The following EPS15L1 variants were observed in gnomAD, a reference collection of about 807,000 sequenced individuals.
The protein encoded by EPS15L1 is epidermal growth factor receptor substrate 15-like 1.
EPS15L1 carries 43 observed loss-of-function variants against 117.1 expected under a neutral mutation model. That is an observed-to-expected ratio of 0.37 (90% CI 0.29 to 0.47). The LOEUF (loss-of-function observed/expected upper bound fraction) is 0.47, where lower values mean the gene tolerates loss of function less well. Among genes scored for constraint, EPS15L1 ranks in the 20% least tolerant of loss-of-function variants. The probability of loss-of-function intolerance (pLI) is 0.99; values close to 1 mark genes in which losing one functional copy is unlikely to be tolerated. For missense variants in EPS15L1, 981 were observed against 1,164.0 expected, an observed-to-expected ratio of 0.84 and a Z score of 2.29; for synonymous variants, 459 against 470.5, an observed-to-expected ratio of 0.98 and a Z score of 0.32.
At chr19:16,467,350 A>G (rs559379189) in intron 1 of EPS15L1, among the ~76,000 whole-genome samples, 3 of 152,004 alleles carry the variant, frequency 2.0e-5, no homozygotes, top group African/African-American at 7.2e-5. Flanking sequence ...AGGTTTCACC[A>G]TGTTGGCCAG....
At chr19:16,464,419 G>C (rs2093280784) in intron 1 of EPS15L1, among the ~76,000 whole-genome samples, 1 of 152,152 alleles carries the variant, frequency 6.6e-6, no homozygotes, top group Non-Finnish European at 1.5e-5. Context: ...ACCAGCCACT[G>C]GCCACTCTCT....
chr19:16,387,012 A>C (rs1188276477), intron 19 of EPS15L1, among the ~76,000 whole-genome samples: 6 of 152,374 alleles, frequency 3.9e-5, no homozygotes, highest in Admixed American at 1.3e-4. Context: ...GGAAAAGACA[A>C]TCAGTGTAGC....
intron 7 of EPS15L1, among the ~76,000 whole-genome samples, chr19:16,430,428 T>C (rs898341695): frequency 1.3e-5 from 2 of 152,178 alleles, no homozygotes; most frequent in Admixed American, 1.3e-4. Flanking sequence ...CCAAGGTGAC[T>C]TCCCAACCAC....
At chr19:16,377,868 T>G (rs955764019) in intron 21 of EPS15L1, among the ~76,000 whole-genome samples, 2 of 152,180 alleles carry the variant, frequency 1.3e-5, no homozygotes, top group Admixed American at 1.3e-4. Context: ...CCACCTCCAC[T>G]GGGCTCTGAC....
upstream of EPS15L1, chr19:16,471,989 G>C: frequency 8.0e-7 from 1 of 1,251,260 alleles, no homozygotes. This position sits in a 1 kb window ranked among gnomAD's most constrained non-coding sequence, Gnocchi z 4.8. Flanking sequence ...AACGGGGGCG[G>C]GGCTGCAGCC....
chr19:16,358,729 T>C (rs1212215830), intron 23 of EPS15L1, among the ~76,000 whole-genome samples: 1 of 152,236 alleles, frequency 6.6e-6, no homozygotes, highest in Non-Finnish European at 1.5e-5. Flanking sequence ...AGGTGTCTGA[T>C]GGCACTTCCA....
intron 5 of EPS15L1, 189 bp from the exon 6 acceptor site, chr19:16,437,188 G>C (rs1189654174): frequency 5.2e-6 from 3 of 581,532 alleles, no homozygotes; most frequent in Non-Finnish European, 9.2e-6. Context: ...ATTAAAAACG[G>C]ATGTCCAAAC....
At chr19:16,372,159 A>AT (rs1445248834) in intron 22 of EPS15L1, among the ~76,000 whole-genome samples, 1 of 152,164 alleles carries the variant, frequency 6.6e-6, no homozygotes, top group Non-Finnish European at 1.5e-5. Flanking sequence ...AGAACTGAGT[A>AT]TGTGGCCTTG....
At chr19:16,449,840 C>T (rs1038763268) in intron 1 of EPS15L1, among the ~76,000 whole-genome samples, 25 of 152,174 alleles carry the variant, frequency 1.6e-4, no homozygotes, top group Non-Finnish European at 1.2e-4. Context: ...ACAGCTGACA[C>T]ATATGCAATA....
chr19:16,455,544 C>T (rs576529682), intron 1 of EPS15L1, among the ~76,000 whole-genome samples: 6 of 151,452 alleles, frequency 4.0e-5, no homozygotes, highest in East Asian at 3.9e-4. Flanking sequence ...GGAGAGACTG[C>T]CCAGCTCCAT....
intron 1 of EPS15L1, among the ~76,000 whole-genome samples, chr19:16,459,781 G>A (rs575580241): frequency 1.3e-5 from 2 of 152,308 alleles, no homozygotes; most frequent in East Asian, 1.9e-4. Context: ...AAAGAATGGT[G>A]GGCGGGGAGG....
At chr19:16,428,588 GAAAAGAAAAGAA>G (rs566843747) in intron 8 of EPS15L1, 102 bp downstream of exon 8, 10,884 of 707,026 alleles carry the variant, frequency 0.015, 98 homozygotes, top group African/African-American at 0.032. Flanking sequence ...GAAAAGAAAA[GAAAAGAAAAGAA>G]AAAAGAAAAG....
intron 1 of EPS15L1, among the ~76,000 whole-genome samples, chr19:16,465,347 G>A (rs532258257): frequency 6.6e-6 from 1 of 152,262 alleles, no homozygotes; most frequent in East Asian, 1.9e-4. Flanking sequence ...GCATGGGCCA[G>A]GAGCACTGAT....
At chr19:16,439,225 A>G (rs1195242549) in intron 4 of EPS15L1, among the ~76,000 whole-genome samples, 2 of 152,134 alleles carry the variant, frequency 1.3e-5, no homozygotes, top group Non-Finnish European at 2.9e-5. Flanking sequence ...CAGAGTGTAG[A>G]GGATCATAAG....
At chr19:16,385,274 G>C in intron 20 of EPS15L1, 63 bp from the exon 21 acceptor site, 1 of 1,375,868 alleles carries the variant, frequency 7.3e-7, no homozygotes, top group Non-Finnish European at 1.0e-6. Flanking sequence ...TTCTGGGGTG[G>C]AGGGGAAATG....
At chr19:16,395,614 G>T in intron 16 of EPS15L1, 147 bp from the exon 17 acceptor site, 1 of 843,632 alleles carries the variant, frequency 1.2e-6, no homozygotes, top group Non-Finnish European at 1.9e-6. Context: ...GCTGGCCTGG[G>T]CAACATAGCA....
At chr19:16,464,753 A>G (rs1856142160) in intron 1 of EPS15L1, among the ~76,000 whole-genome samples, 1 of 151,976 alleles carries the variant, frequency 6.6e-6, no homozygotes, top group Admixed American at 6.6e-5. Context: ...CACTAACACT[A>G]ACACTAACAC....
chr19:16,404,624 G>C lies in EPS15L1; in HGVS notation c.1392C>G (p.Ser464Arg). 2.5e-6 allele frequency: 4 copies of C among 1,614,114 alleles called. No homozygotes were observed. Among genetic ancestry groups the C allele is most frequent in the Non-Finnish European group, 3.4e-6 (4 of 1,180,012 alleles). Residue 464 changes from serine (S) to arginine (R), a missense_variant, in exon 14 of 24, where the codon AGC becomes AGG. Physicochemically the swap from Ser to Arg is moderately radical, Grantham distance 110. Coordinates refer to ENST00000455140, the MANE Select transcript of EPS15L1 (RefSeq NM_001258374.3). This position sits in a 1 kb window ranked among gnomAD's most constrained non-coding sequence, Gnocchi z 4.2. The stretch of plus-strand genomic sequence containing the variant: ...CATCCTGGCACTTCTGCCGGACGTC[G>C]CTCAGCATGTCTCGGAGCTTGGCCT... Reference protein sequence around the residue: ...QQKAKLRDMLSDVRQKCQDET... With the variant: ...QQKAKLRDMLRDVRQKCQDET...
At chr19:16,403,590 C>T (rs2092624050) in intron 15 of EPS15L1, 143 bp downstream of exon 15, 6 of 790,098 alleles carry the variant, frequency 7.6e-6, no homozygotes, top group Non-Finnish European at 1.2e-5. Flanking sequence ...GGCCCTGCGC[C>T]TCCAGGCCAG....
Sources: gnomAD v4.1 joint callset for allele counts (sites outside exome capture counted in the v4.1 genomes callset) on GRCh38, gnomAD v4.1.1 for gene constraint, Gnocchi (gnomAD v3.1) non-coding constraint, MANE v1.5 for transcripts, NCBI Gene and HGNC (gene_info 2026-07-23, HGNC 2026-07-21) for gene names.